Variants in ANTXR1 observed in about 807,000 individuals in gnomAD.
ANTXR1 encodes anthrax toxin receptor 1.
ANTXR1 carries 19 observed loss-of-function variants against 78.1 expected under a neutral mutation model. The ratio of observed to expected loss-of-function variants is 0.24; its 90% CI spans 0.17 to 0.36. The LOEUF (loss-of-function observed/expected upper bound fraction) is 0.36. ANTXR1 is among the 10% of genes least tolerant of loss of function. The probability of loss-of-function intolerance (pLI) is 1.00; values close to 1 mark genes in which losing one functional copy is unlikely to be tolerated. For synonymous variants in ANTXR1, 273 were observed against 260.5 expected (o/e 1.05, Z -0.46); for missense variants, 518 against 718.6 (o/e 0.72, Z 3.19).
At position 69,062,158 on chromosome 2, in the gene ANTXR1, A is replaced by T. The variant is rs1670263206; in HGVS notation, c.297-8489A>T. The stretch of plus-strand genomic sequence containing the variant: ...GACAGACACTCTGCAGGGATAAGGA[A>T]AAGTCAGCTGAGTCTTACATAAACA... On this transcript the variant is annotated intron_variant, in intron 3 of 17. Coordinates refer to ENST00000303714, the MANE Select transcript of ANTXR1 (RefSeq NM_032208.3). Among the ~76,000 whole-genome samples the T allele has an allele frequency of 2.0e-5, 3 of 152,216 alleles. No individual in the cohort carries two copies. In the South Asian group the frequency reaches 6.2e-4, roughly 31 times the overall value.
chr2:69,162,409 G>C (rs1179192928), intron 13 of ANTXR1, among the ~76,000 whole-genome samples: 1 of 152,162 alleles, frequency 6.6e-6, no homozygotes, highest in Non-Finnish European at 1.5e-5. Flanking sequence ...TAACCTCTGA[G>C]AGGTCTAGAG....
chr2:69,140,774 G>T (rs557608823), intron 12 of ANTXR1, among the ~76,000 whole-genome samples: 1 of 152,314 alleles, frequency 6.6e-6, no homozygotes, highest in African/African-American at 2.4e-5. Context: ...TGGGAATTCA[G>T]TTATGTTCAC....
At chr2:69,160,164 G>C (rs574127617) in intron 13 of ANTXR1, among the ~76,000 whole-genome samples, 1 of 152,044 alleles carries the variant, frequency 6.6e-6, no homozygotes, top group African/African-American at 2.4e-5. Flanking sequence ...ATTATTTCTC[G>C]TTAGCACACA....
intron 17 of ANTXR1, among the ~76,000 whole-genome samples, chr2:69,231,483 T>C (rs960258898): frequency 1.3e-5 from 2 of 152,184 alleles, no homozygotes; most frequent in African/African-American, 2.4e-5. Flanking sequence ...ACACCATGAA[T>C]GACCCCACTA....
At position 69,149,270 on chromosome 2, in the gene ANTXR1, C is replaced by A. The variant is rs77971445; in HGVS notation, c.952-2899C>A. Among the ~76,000 whole-genome samples, 38 of 152,314 alleles carry A rather than the reference C, an allele frequency of 2.5e-4. No individual in the cohort carries two copies. In the East Asian group the frequency reaches 6.0e-3, roughly 24 times the overall value. On this transcript the variant is annotated intron_variant, in intron 12 of 17. Coordinates refer to ENST00000303714, the MANE Select transcript of ANTXR1 (RefSeq NM_032208.3). ...TGTCCTCCACCACAGCCAGAGGGAA[C>A]TGGGCCTCATTAGGGGGACAGTTTG...
At chr2:69,237,158 C>T (rs1309485873) in intron 17 of ANTXR1, among the ~76,000 whole-genome samples, 5 of 152,126 alleles carry the variant, frequency 3.3e-5, no homozygotes, top group Non-Finnish European at 1.5e-5. Flanking sequence ...CTAGTTTCCT[C>T]GTGTTACCAA....
At position 69,248,075 on chromosome 2, in the gene ANTXR1, G is replaced by A. The variant is rs967445098; in HGVS notation, c.*2590G>A. On this transcript the variant is annotated 3_prime_UTR_variant, in exon 18 of 18. Transcript: ENST00000303714. ...CTTCATAGTGGGCTATTACAGGCAG[G>A]AAAATGTTTTAACTGGTTTACAAAA... The A allele has an allele frequency of 1.2e-5, 2 of 166,802 alleles. No individual in the cohort carries two copies. Among genetic ancestry groups the A allele is most frequent in the Non-Finnish European group, 2.9e-5 (2 of 68,132 alleles). The allele number at this position is 166,802 out of a possible 1,614,324, so 10.3% of individuals were successfully genotyped here.
At chr2:69,242,542 C>T (rs1675920159) in intron 17 of ANTXR1, among the ~76,000 whole-genome samples, 1 of 152,204 alleles carries the variant, frequency 6.6e-6, no homozygotes, top group Non-Finnish European at 1.5e-5. Flanking sequence ...TAATTAGCCT[C>T]CCCTCTCGGC....
At chr2:69,191,210 G>A (rs115066731) in intron 16 of ANTXR1, among the ~76,000 whole-genome samples, 59 of 152,212 alleles carry the variant, frequency 3.9e-4, no homozygotes, top group Non-Finnish European at 6.5e-4. Context: ...TAAATTCCTT[G>A]CCAAAATAGA....
intron 3 of ANTXR1, among the ~76,000 whole-genome samples, chr2:69,065,363 T>A (rs1187830294): frequency 1.4e-5 from 2 of 145,016 alleles, no homozygotes; most frequent in Non-Finnish European, 3.0e-5. Context: ...AGGCAGAGGT[T>A]GCAGTGAGCT....
intron 13 of ANTXR1, among the ~76,000 whole-genome samples, chr2:69,153,432 C>G (rs920393573): frequency 1.3e-5 from 2 of 152,050 alleles, no homozygotes; most frequent in Non-Finnish European, 2.9e-5. Context: ...ATGGCAGGGA[C>G]TTCTGGAAAG....
intron 1 of ANTXR1, among the ~76,000 whole-genome samples, chr2:69,032,148 T>C (rs1279423907): frequency 2.6e-5 from 4 of 152,230 alleles, no homozygotes; most frequent in Non-Finnish European, 5.9e-5. Context: ...ATGCAGATGT[T>C]ACAAGTGATG....
chr2:69,044,697 C>A lies in ANTXR1; in HGVS notation c.225-45C>A, dbSNP rs377195091. 3.7e-5 allele frequency: 59 copies of A among 1,586,572 alleles called. No individual in the cohort carries two copies. The African/African-American group carries it at 7.4e-4, about 20-fold the overall frequency. On this transcript the variant is annotated intron_variant, in intron 2 of 17. Coordinates refer to ENST00000303714, the MANE Select transcript of ANTXR1 (RefSeq NM_032208.3). ...GAGGGAGCCTGAAGGGAGTGGCATG[C>A]GCAGTCTTATTGTCTGTCCTAATAG...
At chr2:69,052,972 G>A (rs1669967447) in intron 3 of ANTXR1, among the ~76,000 whole-genome samples, 1 of 151,974 alleles carries the variant, frequency 6.6e-6, no homozygotes, top group African/African-American at 2.4e-5. Flanking sequence ...TTTTCCACAT[G>A]TGTATGACCT....
intron 14 of ANTXR1, 118 bp downstream of exon 14, chr2:69,170,407 A>T (rs1573951978): frequency 8.4e-7 from 1 of 1,195,120 alleles, no homozygotes; most frequent in Non-Finnish European, 1.2e-6. Flanking sequence ...AGCTCAAAGG[A>T]TTTAATGTAC....
chr2:69,168,381 C>T (rs1410716026), intron 13 of ANTXR1, among the ~76,000 whole-genome samples: 2 of 152,166 alleles, frequency 1.3e-5, no homozygotes, highest in African/African-American at 4.8e-5. Context: ...GGAGATCAGA[C>T]AGGTTAAGGG....
chr2:69,103,222 C>T, intron 10 of ANTXR1: 1 of 459,656 alleles, frequency 2.2e-6, no homozygotes, highest in East Asian at 4.5e-5. Context: ...AAGCCCCAGC[C>T]CTGCAGCAGC....
Position 69,076,392 on chromosome 2 carries a change from C to CA in ANTXR1, c.561+741dup, listed in dbSNP as rs1166536724. ...ATATGGAAATAATTGGACAAGTGGG[C>CA]AAAAAAATGTGTATAGGTGCATATA... On this transcript the variant is annotated intron_variant, in intron 7 of 17. Coordinates refer to ENST00000303714, the MANE Select transcript of ANTXR1 (RefSeq NM_032208.3). Among the ~76,000 whole-genome samples the CA allele has an allele frequency of 3.3e-5, 5 of 151,832 alleles. No individual in the cohort carries two copies. In the East Asian group the frequency reaches 9.6e-4, roughly 29 times the overall value.
intron 9 of ANTXR1, among the ~76,000 whole-genome samples, chr2:69,096,331 AGGAAGGG>A (rs1671418316): frequency 8.0e-5 from 1 of 12,562 alleles, no homozygotes; most frequent in Admixed American, 6.9e-4. Flanking sequence ...GGAGGAAGGG[AGGAAGGG>A]AGGAAGGGAG....
Sources: gnomAD v4.1 joint callset for allele counts (sites outside exome capture counted in the v4.1 genomes callset) on GRCh38, gnomAD v4.1.1 for gene constraint, MANE v1.5 for transcripts, NCBI Gene and HGNC (gene_info 2026-07-23, HGNC 2026-07-21) for gene names.